MAN1A1: variants seen among roughly 807,000 people sequenced by gnomAD.
MAN1A1 encodes the protein mannosidase alpha class 1A member 1, also known as mannosyl-oligosaccharide 1,2-alpha-mannosidase IA.
Under a neutral mutation model 70.8 loss-of-function variants are expected in MAN1A1, and 29 were observed. The observed-to-expected ratio is 0.41, with a 90% CI of 0.31 to 0.56. The LOEUF is 0.56. Among genes scored for constraint, MAN1A1 ranks in the 20% least tolerant of loss-of-function variants. The probability of loss-of-function intolerance (pLI) is 0.29; values close to 1 mark genes in which losing one functional copy is unlikely to be tolerated. For missense variants in MAN1A1, 747 were observed against 841.3 expected (o/e 0.89, Z 1.39); for synonymous variants, 349 against 330.1 (o/e 1.06, Z -0.62).
intron 2 of MAN1A1, among the ~76,000 whole-genome samples, chr6:119,331,245 A>G (rs1330647275): frequency 6.6e-6 from 1 of 152,160 alleles, no homozygotes; most frequent in African/African-American, 2.4e-5. Flanking sequence ...ACAATATATT[A>G]TTTTGACTCA....
At chr6:119,305,652 G>A (rs1293198103) in intron 3 of MAN1A1, among the ~76,000 whole-genome samples, 1 of 152,080 alleles carries the variant, frequency 6.6e-6, no homozygotes, top group African/African-American at 2.4e-5. Context: ...ACCCTGCAAT[G>A]CCTTTCTCCC....
chr6:119,200,414 A>ATACT (rs1028237560), intron 8 of MAN1A1, among the ~76,000 whole-genome samples: 4 of 152,186 alleles, frequency 2.6e-5, no homozygotes, highest in Non-Finnish European at 4.4e-5. Flanking sequence ...ATTTTGGCAT[A>ATACT]TACTTTCCTA....
rs550248814 is a variant in MAN1A1, at chr6:119,210,265, C to T, written c.993-5383G>A. ...CTTTTGGGTAAGATCTCCTTGCTAA[C>T]TTCTATCAACAAATTGCAGATAAGT... is the stretch of plus-strand genomic sequence containing the variant. On this transcript the variant is annotated intron_variant, in intron 6 of 12. Transcript: ENST00000368468. 5.3e-5 allele frequency among the ~76,000 whole-genome samples: 8 copies of T among 152,300 alleles called. No homozygotes were observed. In the South Asian group the frequency reaches 1.2e-3, roughly 24 times the overall value.
chr6:119,285,133 C>A (rs1160528235), intron 5 of MAN1A1, among the ~76,000 whole-genome samples: 3 of 85,848 alleles, frequency 3.5e-5, no homozygotes, highest in African/African-American at 9.1e-5. Flanking sequence ...AAGGAGGTAG[C>A]AGACTTTTTT....
intron 2 of MAN1A1, among the ~76,000 whole-genome samples, chr6:119,311,280 G>A (rs1431182367): frequency 6.6e-6 from 1 of 152,074 alleles, no homozygotes; most frequent in East Asian, 1.9e-4. Flanking sequence ...ATTTTTCCTA[G>A]TATAACACAT....
Position 119,204,898 on chromosome 6 carries a change from C to T in MAN1A1, c.993-16G>A, listed in dbSNP as rs370849800. ...TCCAATACCACTAAAGAAGAGATGA[C>T]GTCGAAGAGTTATGGGTCAGATTAA... On this transcript the variant is annotated splice_polypyrimidine_tract_variant and intron_variant, in intron 6 of 12. Coordinates refer to ENST00000368468, the MANE Select transcript of MAN1A1 (RefSeq NM_005907.4). The T allele has an allele frequency of 1.7e-5, 27 of 1,612,496 alleles. No individual in the cohort carries two copies. Among genetic ancestry groups the T allele is most frequent in the African/African-American group, 1.6e-4 (12 of 74,776 alleles).
intron 2 of MAN1A1, among the ~76,000 whole-genome samples, chr6:119,318,316 G>A (rs1415941338): frequency 1.3e-5 from 2 of 152,190 alleles, no homozygotes; most frequent in Non-Finnish European, 2.9e-5. Context: ...CCCAGAGAGA[G>A]TCCCATTGCA....
chr6:119,322,523 T>A (rs1197536704), intron 2 of MAN1A1, among the ~76,000 whole-genome samples: 1 of 152,148 alleles, frequency 6.6e-6, no homozygotes, highest in East Asian at 1.9e-4. Flanking sequence ...AGTACCACAA[T>A]AAAATGCCAC....
chr6:119,203,310 T>C (rs1236652431), intron 7 of MAN1A1, among the ~76,000 whole-genome samples: 1 of 150,486 alleles, frequency 6.6e-6, no homozygotes, highest in Non-Finnish European at 1.5e-5. Flanking sequence ...AGTGAGGGAG[T>C]AGGCCACGTG....
intron 8 of MAN1A1, 63 bp downstream of exon 8, chr6:119,201,189 GCT>G: frequency 8.2e-7 from 1 of 1,214,726 alleles, no homozygotes; most frequent in Non-Finnish European, 1.2e-6. Context: ...CTGCTTTTGT[GCT>G]TCCTCTCTCT....
intron 6 of MAN1A1, among the ~76,000 whole-genome samples, chr6:119,232,382 A>G (rs1774707623): frequency 6.6e-6 from 1 of 151,314 alleles, no homozygotes; most frequent in Admixed American, 6.6e-5. Flanking sequence ...CAAAAAAAAA[A>G]AAAAAAAAAA....
chr6:119,272,932 T>A (rs561325416), intron 5 of MAN1A1, among the ~76,000 whole-genome samples: 1 of 152,300 alleles, frequency 6.6e-6, no homozygotes, highest in South Asian at 2.1e-4. Flanking sequence ...CTAATAGATG[T>A]TGTTGTAAAT....
intron 11 of MAN1A1, among the ~76,000 whole-genome samples, chr6:119,187,453 T>C (rs1314084100): frequency 6.6e-6 from 1 of 152,194 alleles, no homozygotes; most frequent in Non-Finnish European, 1.5e-5. Flanking sequence ...GCCTAGAGAA[T>C]TGCTGTTATT....
At chr6:119,228,546 T>A (rs1241533400) in intron 6 of MAN1A1, among the ~76,000 whole-genome samples, 1 of 152,180 alleles carries the variant, frequency 6.6e-6, no homozygotes, top group Non-Finnish European at 1.5e-5. Flanking sequence ...AAAAGAATTC[T>A]ATGACTATAC....
At chr6:119,210,904 A>G (rs1348141245) in intron 6 of MAN1A1, 2 of 456,232 alleles carry the variant, frequency 4.4e-6, no homozygotes, top group African/African-American at 4.0e-5. Context: ...GGTAGCCTCC[A>G]TAGCCCTTGG....
chr6:119,203,704 T>C (rs569378238), intron 7 of MAN1A1, among the ~76,000 whole-genome samples: 1 of 152,010 alleles, frequency 6.6e-6, no homozygotes, highest in Non-Finnish European at 1.5e-5. Flanking sequence ...AGGAGACCAC[T>C]GGGTACAGTG....
chr6:119,332,999 G>A (rs77651952), intron 2 of MAN1A1, among the ~76,000 whole-genome samples: 62 of 152,110 alleles, frequency 4.1e-4, no homozygotes, highest in Non-Finnish European at 6.6e-4. Flanking sequence ...TAAAGTAAAG[G>A]AGCAGAGATC....
rs191829851 is a variant in MAN1A1, at chr6:119,199,418, T to C, written c.1210+1836A>G. ...CTTGCAACTCAAAACACCCAAGAGC[T>C]TTTCCTTGATGCAACTATCATTTTT... On this transcript the variant is annotated intron_variant, in intron 8 of 12. Coordinates refer to ENST00000368468, the MANE Select transcript of MAN1A1 (RefSeq NM_005907.4). 1.4e-3 allele frequency among the ~76,000 whole-genome samples: 219 copies of C among 152,112 alleles called. 1 individual carries two copies. Among genetic ancestry groups the C allele is most frequent in the African/African-American group, 5.1e-3 (210 of 41,558 alleles).
intron 6 of MAN1A1, among the ~76,000 whole-genome samples, chr6:119,209,414 A>G (rs1773981637): frequency 6.6e-6 from 1 of 152,230 alleles, no homozygotes; most frequent in Admixed American, 6.5e-5. Context: ...TTCATAGTCC[A>G]GAATATAGCT....
Sources: gnomAD v4.1 joint callset for allele counts (sites outside exome capture counted in the v4.1 genomes callset) on GRCh38, gnomAD v4.1.1 for gene constraint, MANE v1.5 for transcripts, NCBI Gene and HGNC (gene_info 2026-07-23, HGNC 2026-07-21) for gene names.